The following GAS2 variants were observed in gnomAD, a reference collection of about 807,000 sequenced individuals.
GAS2 encodes growth arrest specific 2, also known as growth arrest-specific protein 2.
In GAS2, 20 loss-of-function variants were observed where a neutral mutation model predicts 37.5. The ratio of observed to expected loss-of-function variants is 0.53; its 90% CI spans 0.37 to 0.77. The LOEUF (loss-of-function observed/expected upper bound fraction) is 0.77, where lower values mean the gene tolerates loss of function less well. Ranked by LOEUF, GAS2 falls within the 30% of genes least tolerant of loss-of-function variation. The pLI, the probability that GAS2 is intolerant of heterozygous loss-of-function variation, is 0.00. For synonymous variants in GAS2, 144 were observed against 132.2 expected, an observed-to-expected ratio of 1.09 and a Z score of -0.61; for missense variants, 336 against 373.4, an observed-to-expected ratio of 0.90 and a Z score of 0.82.
intron 1 of GAS2, among the ~76,000 whole-genome samples, chr11:22,654,853 A>G (rs1021020719): frequency 6.6e-6 from 1 of 152,226 alleles, no homozygotes; most frequent in African/African-American, 2.4e-5. Context: ...CTAAAAGAGC[A>G]TAAAGAGTTA....
chr11:22,705,372 GT>G (rs71037520), intron 3 of GAS2, among the ~76,000 whole-genome samples: 28,846 of 151,994 alleles, frequency 0.19, 2,940 homozygotes, highest in East Asian at 0.37. Context: ...CAAATGTCAT[GT>G]TTTATCTGAG....
intron 1 of GAS2, among the ~76,000 whole-genome samples, chr11:22,670,394 TA>T (rs35109801): frequency 0.31 from 47,561 of 151,798 alleles, 7,914 homozygotes; most frequent in African/African-American, 0.44. Context: ...ATCATCATCT[TA>T]GGGGCAGCAT....
chr11:22,757,913 G>C (rs1168957791), intron 7 of GAS2, among the ~76,000 whole-genome samples: 1 of 152,108 alleles, frequency 6.6e-6, no homozygotes, highest in African/African-American at 2.4e-5. Context: ...TATCCGTGGA[G>C]GCTTAAAAAT....
At chr11:22,659,658 A>G (rs1848893972) in intron 1 of GAS2, among the ~76,000 whole-genome samples, 2 of 152,118 alleles carry the variant, frequency 1.3e-5, no homozygotes, top group Admixed American at 6.6e-5. Context: ...GAATTAGGAT[A>G]CCTGACAGAA....
intron 1 of GAS2, among the ~76,000 whole-genome samples, chr11:22,648,509 T>C (rs1270236356): frequency 1.3e-5 from 2 of 152,220 alleles, no homozygotes; most frequent in East Asian, 3.9e-4. Flanking sequence ...GTAAATTACC[T>C]TGCGCAGTAT....
rs373635653 is a variant in GAS2 at position 22,685,682 on chromosome 11, G to A, written c.160G>A (p.Ala54Thr). ...LTNLLGKEIT[A>T]ETFMEKLDNG... ...TGTTATTTCAGGGAAGGAGATTACAGCAGAAACTTTTATGGAGAAGTTGGA... is the reference window on the plus strand; with the variant it reads ...TGTTATTTCAGGGAAGGAGATTACAACAGAAACTTTTATGGAGAAGTTGGA... Residue 54 changes from alanine (A) to threonine (T), a missense_variant, in exon 3 of 8, where the codon GCA (alanine) becomes ACA (threonine). Ala to Thr is a moderately conservative substitution (Grantham distance 58). Coordinates refer to ENST00000454584, the MANE Select transcript of GAS2 (RefSeq NM_001143830.3). 162 of 1,613,130 alleles carry A rather than the reference G, an allele frequency of 1.0e-4. No individual in the cohort carries two copies. The highest frequency in any genetic ancestry group is 3.3e-4 in the Middle Eastern group (2 of 6,076).
At chr11:22,680,466 G>A (rs1849626441) in intron 2 of GAS2, among the ~76,000 whole-genome samples, 1 of 152,132 alleles carries the variant, frequency 6.6e-6, no homozygotes, top group Non-Finnish European at 1.5e-5. Flanking sequence ...GTTAAAGAGA[G>A]CATATGAACC....
At chr11:22,782,684 A>G (rs1009047235) in intron 7 of GAS2, among the ~76,000 whole-genome samples, 1 of 148,772 alleles carries the variant, frequency 6.7e-6, no homozygotes, top group East Asian at 2.0e-4. Flanking sequence ...TTCCTGTGTT[A>G]GTTAGGTTAG....
At chr11:22,629,139 C>A (rs1360665297) in intron 1 of GAS2, among the ~76,000 whole-genome samples, 1 of 152,080 alleles carries the variant, frequency 6.6e-6, no homozygotes, top group Non-Finnish European at 1.5e-5. Flanking sequence ...CATATACATG[C>A]AAGTGTCTTT....
chr11:22,650,423 G>A (rs1234752699), intron 1 of GAS2, among the ~76,000 whole-genome samples: 2 of 152,002 alleles, frequency 1.3e-5, no homozygotes, highest in Admixed American at 6.6e-5. Context: ...TTCTGTAGAT[G>A]TCTATTAGGT....
intron 1 of GAS2, among the ~76,000 whole-genome samples, chr11:22,651,458 G>A (rs1397050148): frequency 1.3e-5 from 2 of 152,066 alleles, no homozygotes; most frequent in Non-Finnish European, 2.9e-5. Flanking sequence ...GAATCTGAAC[G>A]TTGGCCTGCC....
intron 3 of GAS2, among the ~76,000 whole-genome samples, chr11:22,708,159 T>C (rs1333519649): frequency 6.6e-6 from 1 of 152,152 alleles, no homozygotes; most frequent in Non-Finnish European, 1.5e-5. Flanking sequence ...TGAGACAATA[T>C]GATGATTAGG....
chr11:22,670,462 A>C (rs970608914), intron 1 of GAS2, among the ~76,000 whole-genome samples: 1 of 152,122 alleles, frequency 6.6e-6, no homozygotes, highest in African/African-American at 2.4e-5. Context: ...TCATTAATAC[A>C]TTTATTTGTT....
intron 3 of GAS2, among the ~76,000 whole-genome samples, chr11:22,700,995 G>A (rs1029729203): frequency 6.6e-6 from 1 of 152,154 alleles, no homozygotes; most frequent in African/African-American, 2.4e-5. Context: ...AATAGTTGGT[G>A]AGGGAAATGA....
intron 5 of GAS2, among the ~76,000 whole-genome samples, chr11:22,741,194 G>T (rs942446655): frequency 6.6e-6 from 1 of 152,054 alleles, no homozygotes; most frequent in African/African-American, 2.4e-5. Context: ...TTGTTCTCAT[G>T]GGTAAAACTT....
intron 7 of GAS2, among the ~76,000 whole-genome samples, chr11:22,770,485 C>T (rs187980423): frequency 6.6e-6 from 1 of 152,274 alleles, no homozygotes; most frequent in Non-Finnish European, 1.5e-5. Flanking sequence ...TTAAACGTTT[C>T]ACTTACTTAA....
chr11:22,747,809 C>T (rs1370600956), intron 5 of GAS2, among the ~76,000 whole-genome samples: 1 of 151,980 alleles, frequency 6.6e-6, no homozygotes, highest in Non-Finnish European at 1.5e-5. Context: ...TTTATAAATC[C>T]CTTTATCTTG....
chr11:22,802,590 T>G (rs1419491634), intron 7 of GAS2, among the ~76,000 whole-genome samples: 1 of 151,962 alleles, frequency 6.6e-6, no homozygotes, highest in Non-Finnish European at 1.5e-5. Context: ...CAGTAAGGAA[T>G]GAAGCCAATT....
intron 3 of GAS2, among the ~76,000 whole-genome samples, chr11:22,698,600 T>C (rs337464): frequency 0.17 from 23,852 of 137,600 alleles, 2,555 homozygotes; most frequent in East Asian, 0.35. Flanking sequence ...CCTTGATGAA[T>C]ATTGATGCAA....
Sources: gnomAD v4.1 joint callset for allele counts (sites outside exome capture counted in the v4.1 genomes callset) on GRCh38, gnomAD v4.1.1 for gene constraint, MANE v1.5 for transcripts, NCBI Gene and HGNC (gene_info 2026-07-23, HGNC 2026-07-21) for gene names.